The following APAF1 variants were observed in gnomAD, a reference collection of about 807,000 sequenced individuals.
The protein encoded by APAF1 is apoptotic protease-activating factor 1.
In APAF1, 91 loss-of-function variants were observed where a neutral mutation model predicts 152.4. The observed-to-expected ratio is 0.60, with a 90% CI of 0.50 to 0.71. APAF1 has a LOEUF of 0.71. APAF1 is among the 30% of genes least tolerant of loss of function. The pLI is 0.00. For missense variants in APAF1, 1,283 were observed against 1,472.0 expected, an observed-to-expected ratio of 0.87 and a Z score of 2.10; for synonymous variants, 484 against 494.1, an observed-to-expected ratio of 0.98 and a Z score of 0.27.
intron 25 of APAF1, chr12:98,726,551 T>G (rs966561883): frequency 6.5e-6 from 1 of 153,742 alleles, no homozygotes; most frequent in African/African-American, 2.4e-5. Flanking sequence ...TTCTTCTTCT[T>G]GAGGACTAAG....
rs1289348170 is a variant in APAF1, at chr12:98,657,042, C to T, written c.527-2118C>T. ...ATCCAAAACCTTAACCTCTTACCTC[C>T]TTAACCTCTTTGTCTCCTGTGAACA... On this transcript the variant is annotated intron_variant, in intron 4 of 26. Coordinates refer to ENST00000551964, the MANE Select transcript of APAF1 (RefSeq NM_181861.2). 2.0e-5 allele frequency among the ~76,000 whole-genome samples: 3 copies of T among 152,316 alleles called. No individual in the cohort carries two copies. The East Asian group carries it at 5.8e-4, about 29-fold the overall frequency.
In APAF1 at chr12:98,727,198, T is replaced by C. The variant is rs754904382; in HGVS notation, c.3482T>C (p.Leu1161Pro). Reference sequence around the variant, plus strand: ...ATATGGAATGTCTCAAACGGTGAGCTTCTTCATTTGTGTGCTCCGCTTTCA... The same window carrying C: ...ATATGGAATGTCTCAAACGGTGAGCCTCTTCATTTGTGTGCTCCGCTTTCA... ...IRIWNVSNGE[L>P]LHLCAPLSEE... Residue 1161 changes from leucine to proline, a missense_variant, in exon 26 of 27, where the codon CTT becomes CCT. Physicochemically the swap from Leu to Pro is moderately conservative, Grantham distance 98 (BLOSUM62 -3). Transcript: ENST00000551964. The C allele has an allele frequency of 6.2e-7, 1 of 1,614,186 alleles. No individual in the cohort carries two copies. Among genetic ancestry groups the C allele is most frequent in the East Asian group, 2.2e-5 (1 of 44,884 alleles).
chr12:98,707,709 T>TATATAC (rs899955094), intron 19 of APAF1, among the ~76,000 whole-genome samples: 2 of 149,786 alleles, frequency 1.3e-5, no homozygotes, highest in South Asian at 2.1e-4. Context: ...TATATATATA[T>TATATAC]ATACATATAA....
chr12:98,675,806 T>A (rs770153458), intron 12 of APAF1, among the ~76,000 whole-genome samples: 47 of 152,238 alleles, frequency 3.1e-4, no homozygotes, highest in Non-Finnish European at 5.1e-4. Flanking sequence ...TTTTATCACT[T>A]CTACTAAAGT....
intron 4 of APAF1, among the ~76,000 whole-genome samples, chr12:98,657,755 ACT>A (rs1377595468): frequency 6.6e-6 from 1 of 151,822 alleles, no homozygotes; most frequent in Admixed American, 6.6e-5. Context: ...TTGAATCTCA[ACT>A]CTGCTTCATT....
Position 98,665,732 on chromosome 12 carries a change from A to G in APAF1, c.1135A>G (p.Ile379Val). The change falls in exon 8 of 27, where the codon ATC (isoleucine) becomes GTC (valine). Residue 379 changes from isoleucine to valine, a missense_variant. Ile to Val is a conservative substitution (Grantham distance 29). Transcript: ENST00000551964. ...AAGTGTTGAAATGCTCAGAGAAGAC[A>G]TCAAAGATTATTACACAGATCTTTC... ...SISVEMLRED[I>V]KDYYTDLSIL... 6.2e-7 allele frequency: 1 copy of G among 1,614,172 alleles called. No individual in the cohort carries two copies.
At chr12:98,725,618 C>T in intron 25 of APAF1, 78 bp downstream of exon 25, 3 of 1,596,406 alleles carry the variant, frequency 1.9e-6, no homozygotes, top group Non-Finnish European at 2.6e-6. Context: ...GACCTTTGTT[C>T]ACGGGCCAGG....
At position 98,673,454 on chromosome 12, in the gene APAF1, A is replaced by AC. The variant is rs1206385164; in HGVS notation, c.1793+1735_1793+1736insC. On this transcript the variant is annotated intron_variant, in intron 12 of 26. Coordinates refer to ENST00000551964, the MANE Select transcript of APAF1 (RefSeq NM_181861.2). ...CTGTCTCAAAAAACAAAAAAAAAAA[A>AC]AACAAAAAAAAAACCTTGGGTCTGC... Among the ~76,000 whole-genome samples, 22 of 152,016 alleles carry AC rather than the reference A, an allele frequency of 1.4e-4. No individual in the cohort carries two copies. The East Asian group carries it at 1.5e-3, about 11-fold the overall frequency.
chr12:98,703,518 T>C lies in APAF1; in HGVS notation c.2595+19T>C, dbSNP rs1253992823. ...TGTAGAGGTGAGTAGTTGAATTTATTCTGTGAAGCCTGGGTTTCCAGAGAT... is the reference window on the plus strand; with the variant it reads ...TGTAGAGGTGAGTAGTTGAATTTATCCTGTGAAGCCTGGGTTTCCAGAGAT... On this transcript the variant is annotated intron_variant, in intron 18 of 26. Transcript: ENST00000551964. 1.9e-6 allele frequency: 3 copies of C among 1,614,008 alleles called. No individual in the cohort carries two copies. The highest frequency in any genetic ancestry group is 2.2e-5 in the East Asian group (1 of 44,862).
chr12:98,671,579 T>G lies in APAF1; in HGVS notation c.1653T>G (p.Asn551Lys). 1 of 1,614,166 alleles carries G rather than the reference T, an allele frequency of 6.2e-7. No individual in the cohort carries two copies. The highest frequency in any genetic ancestry group is 8.5e-7 in the Non-Finnish European group (1 of 1,180,014). ...SENFQEFLSLNGHLLGRQPFP... is the reference protein window; with the variant it reads ...SENFQEFLSLKGHLLGRQPFP... ...ATTTTCAGGAGTTTTTATCTTTAAATGGACACCTTCTTGGACGACAGCCAT... is the reference window on the plus strand; with the variant it reads ...ATTTTCAGGAGTTTTTATCTTTAAAGGGACACCTTCTTGGACGACAGCCAT... The change falls in exon 12 of 27, where the codon AAT (asparagine) becomes AAG (lysine). Residue 551 changes from asparagine (N) to lysine (K), a missense_variant. Coordinates refer to ENST00000551964, the MANE Select transcript of APAF1 (RefSeq NM_181861.2).
At position 98,648,322 on chromosome 12, in the gene APAF1, A is replaced by G. The variant is rs2097644598; in HGVS notation, c.-38A>G. 6 of 1,613,620 alleles carry G rather than the reference A, an allele frequency of 3.7e-6. No homozygotes were observed. Reference sequence around the variant, plus strand: ...TATTTTGGTGTTTTGGCTGTAGCTCATGGTTGACAGCTCAGAGAGAGAAAG... The same window carrying G: ...TATTTTGGTGTTTTGGCTGTAGCTCGTGGTTGACAGCTCAGAGAGAGAAAG... On this transcript the variant is annotated 5_prime_UTR_variant, in exon 2 of 27. The change abolishes an upstream ATG in the 5' untranslated region. Coordinates refer to ENST00000551964, the MANE Select transcript of APAF1 (RefSeq NM_181861.2).
At chr12:98,715,703 G>A (rs893048786) in intron 22 of APAF1, 151 bp downstream of exon 22, 1 of 862,130 alleles carries the variant, frequency 1.2e-6, no homozygotes, top group Non-Finnish European at 1.9e-6. Context: ...ACCTATGGGT[G>A]TTTCATATTT....
chr12:98,686,747 G>A lies in APAF1; in HGVS notation c.2179-1G>A, dbSNP rs2097698447. 6.2e-7 allele frequency: 1 copy of A among 1,612,968 alleles called. No individual in the cohort carries two copies. Among genetic ancestry groups the A allele is most frequent in the Non-Finnish European group, 8.5e-7 (1 of 1,179,490 alleles). The stretch of plus-strand genomic sequence containing the variant: ...TTTATCTTTTTTTCTTTCACAAATA[G>A]CTTTGGGATTTGAATCAAAAAGAAT... On this transcript the variant is annotated splice_acceptor_variant, in intron 15 of 26. Transcript: ENST00000551964. LOFTEE classifies it high-confidence loss of function.
In APAF1 at chr12:98,677,674, C is replaced by G. The variant is rs1033275549; in HGVS notation, c.1920+123C>G. ...TTAGAAATAACAGAGGAATCCAGCT[C>G]TCTTGAACATTTTATTAAAGGTTTC... On this transcript the variant is annotated intron_variant, in intron 13 of 26. Transcript: ENST00000551964. The G allele has an allele frequency of 5.3e-6, 6 of 1,122,550 alleles. No individual in the cohort carries two copies. In the African/African-American group the frequency reaches 7.8e-5, roughly 15 times the overall value. The allele number at this position is 1,122,550 out of a possible 1,614,324, so 69.5% of individuals were successfully genotyped here. A position where few individuals can be genotyped will look rare whatever the true frequency, so the allele number is the denominator to read the frequency against.
At chr12:98,687,093 G>A (rs1033730297) in intron 16 of APAF1, among the ~76,000 whole-genome samples, 14 of 152,208 alleles carry the variant, frequency 9.2e-5, no homozygotes, top group East Asian at 1.9e-4. Context: ...GGCTGGGTGC[G>A]GTGGCTCACG....
chr12:98,732,631 AC>A lies in APAF1; in HGVS notation c.*68del, dbSNP rs2097764067. ...TGAATTGGAAAAAAATTCTAATGAA[AC>A]CCTGATATCAACTTTTTATAAAGCT... On this transcript the variant is annotated 3_prime_UTR_variant, in exon 27 of 27. Transcript: ENST00000551964. 4.6e-6 allele frequency: 5 copies of A among 1,094,110 alleles called. No homozygotes were observed. The highest frequency in any genetic ancestry group is 4.4e-4 in the Middle Eastern group (2 of 4,512). The allele number at this position is 1,094,110 out of a possible 1,614,324, so 67.8% of individuals were successfully genotyped here.
chr12:98,725,370 T>A, intron 24 of APAF1, 45 bp from the exon 25 acceptor site: 1 of 1,612,808 alleles, frequency 6.2e-7, no homozygotes, highest in South Asian at 1.1e-5. Context: ...AGATGCTTAT[T>A]TTGAGTGTTT....
At chr12:98,665,278 A>ATATATATATATATATATT (rs1491316422) in intron 7 of APAF1, among the ~76,000 whole-genome samples, 13 of 65,992 alleles carry the variant, frequency 2.0e-4, no homozygotes, top group African/African-American at 5.6e-4. Context: ...ATATATATAT[A>ATATATATATATATATATT]TTTTTTTTTT....
intron 21 of APAF1, 92 bp from the exon 22 acceptor site, chr12:98,715,335 C>G: frequency 8.4e-7 from 1 of 1,189,890 alleles, no homozygotes; most frequent in Non-Finnish European, 1.2e-6. Context: ...ATTCTGTACC[C>G]TCCAGTCTAA....
Sources: allele counts gnomAD v4.1 joint callset (sites outside exome capture counted in the v4.1 genomes callset), GRCh38; gene constraint gnomAD v4.1.1; transcripts MANE v1.5; gene names NCBI Gene and HGNC (gene_info 2026-07-23, HGNC 2026-07-21).